Variants in CCDC171 observed in about 807,000 individuals in gnomAD.
The protein encoded by CCDC171 is coiled-coil domain containing 171.
In CCDC171, 177 loss-of-function variants were observed where a neutral mutation model predicts 168.2. The observed-to-expected ratio is 1.05, with a 90% CI of 0.93 to 1.19. The LOEUF (loss-of-function observed/expected upper bound fraction) is 1.19. Ranked by LOEUF, CCDC171 falls within the 50% of genes most tolerant of loss-of-function variation. The pLI is 0.00. For synonymous variants in CCDC171, 687 were observed against 540.8 expected, an observed-to-expected ratio of 1.27 and a Z score of -3.75; for missense variants, 1,991 against 1,539.0, an observed-to-expected ratio of 1.29 and a Z score of -4.91.
At chr9:15,953,308 C>T (rs566647991) in intron 25 of CCDC171, among the ~76,000 whole-genome samples, 4 of 152,170 alleles carry the variant, frequency 2.6e-5, no homozygotes, top group South Asian at 2.1e-4. Context: ...ATATATGCTC[C>T]GGGCCTTTCA....
chr9:15,913,575 G>T (rs1824036678), intron 24 of CCDC171, among the ~76,000 whole-genome samples: 2 of 151,878 alleles, frequency 1.3e-5, no homozygotes, highest in Admixed American at 1.3e-4. Flanking sequence ...GCTTCCTTGT[G>T]TTGGGTTAGA....
chr9:15,840,446 T>C (rs1315041282), intron 21 of CCDC171, among the ~76,000 whole-genome samples: 2 of 152,128 alleles, frequency 1.3e-5, no homozygotes, highest in African/African-American at 2.4e-5. Flanking sequence ...AGTTTTTGAG[T>C]ATGCTATAGC....
At chr9:15,963,684 C>A (rs142798326) in intron 25 of CCDC171, among the ~76,000 whole-genome samples, 1 of 152,210 alleles carries the variant, frequency 6.6e-6, no homozygotes, top group East Asian at 1.9e-4. Flanking sequence ...AAGTTTAGCA[C>A]CTTTTCGTAT....
chr9:16,065,233 C>T (rs1833978558), downstream of CCDC171, among the ~76,000 whole-genome samples: 1 of 152,200 alleles, frequency 6.6e-6, no homozygotes, highest in South Asian at 2.1e-4. Context: ...TCTCAGAGAA[C>T]TGAGCTGGCT....
chr9:15,587,542 G>A (rs930574128), intron 4 of CCDC171: 3 of 439,920 alleles, frequency 6.8e-6, no homozygotes, highest in African/African-American at 6.1e-5. Context: ...TCTCAGGTAT[G>A]TCTTTATCCA....
intron 7 of CCDC171, among the ~76,000 whole-genome samples, chr9:15,651,974 C>T (rs1280378484): frequency 1.3e-5 from 2 of 152,090 alleles, no homozygotes; most frequent in Non-Finnish European, 2.9e-5. Context: ...GTGGCATGAT[C>T]TCAGCTCACT....
At chr9:16,022,189 GA>G (rs1266687012) in intron 4 of CCDC171, 1 of 152,212 alleles carries the variant, frequency 6.6e-6, no homozygotes, top group Admixed American at 6.5e-5. Context: ...TATCCTAACC[GA>G]CATTGAATCA....
In CCDC171 at chr9:15,817,580, C is replaced by A. The variant is rs534142357; in HGVS notation, c.3268-29122C>A. Among the ~76,000 whole-genome samples, 9 of 118,436 alleles carry A rather than the reference C, an allele frequency of 7.6e-5. 3 individuals are homozygous for A. In the South Asian group the frequency reaches 2.5e-3, roughly 33 times the overall value. The allele number at this position is 118,436 out of a possible 152,430, so 77.7% of individuals were successfully genotyped here. On this transcript the variant is annotated intron_variant, in intron 21 of 25. Coordinates refer to ENST00000380701, the MANE Select transcript of CCDC171 (RefSeq NM_173550.4). The stretch of plus-strand genomic sequence containing the variant: ...CCTGGCTTGGAGGGTCCTACGCCCA[C>A]GGAGCCTCGCTCATTGCTAGCACAG...
intron 7 of CCDC171, among the ~76,000 whole-genome samples, chr9:15,656,220 G>T (rs1020509653): frequency 6.6e-6 from 1 of 151,962 alleles, no homozygotes; most frequent in African/African-American, 2.4e-5. Context: ...TACTTGGGAG[G>T]CTGAGGCAGG....
At chr9:15,879,788 T>A (rs1325536273) in intron 24 of CCDC171, among the ~76,000 whole-genome samples, 1 of 152,130 alleles carries the variant, frequency 6.6e-6, no homozygotes, top group East Asian at 1.9e-4. Context: ...TACTATCCTC[T>A]TGCATACATT....
intron 25 of CCDC171, among the ~76,000 whole-genome samples, chr9:15,958,773 A>G (rs144302561): frequency 6.6e-6 from 1 of 152,062 alleles, no homozygotes; most frequent in African/African-American, 2.4e-5. Context: ...ATGAGAAATT[A>G]CGTTAATGCA....
chr9:15,569,846 CAA>C (rs1314811546), intron 2 of CCDC171, among the ~76,000 whole-genome samples: 4,176 of 139,806 alleles, frequency 0.03, 120 homozygotes, highest in African/African-American at 0.083. Context: ...AACAAACAAA[CAA>C]AAAAAAAATT....
At chr9:15,798,086 T>C (rs569505013) in intron 21 of CCDC171, among the ~76,000 whole-genome samples, 4 of 152,322 alleles carry the variant, frequency 2.6e-5, no homozygotes, top group African/African-American at 4.8e-5. Flanking sequence ...TAAGGTGCTG[T>C]AAGTCCTTTA....
chr9:15,756,655 T>A (rs567491534), intron 18 of CCDC171, among the ~76,000 whole-genome samples: 1 of 152,314 alleles, frequency 6.6e-6, no homozygotes, highest in South Asian at 2.1e-4. Context: ...TGTTCCTGTG[T>A]TAATTTGCTT....
chr9:15,986,297 G>A lies in CCDC171; in HGVS notation n.369-34292G>A, dbSNP rs550472965. Reference sequence around the variant, plus strand: ...GTGAATAAACACAAGCTGATAACTAGTGTCTGTGAGTTCCTGAATTGATTC... The same window carrying A: ...GTGAATAAACACAAGCTGATAACTAATGTCTGTGAGTTCCTGAATTGATTC... On this transcript the variant is annotated intron_variant and non_coding_transcript_variant, in intron 3 of 9. Transcript: ENST00000486641. Among the ~76,000 whole-genome samples the A allele has an allele frequency of 1.9e-3, 291 of 152,328 alleles. 2 individuals are homozygous for A. Among genetic ancestry groups the A allele is most frequent in the African/African-American group, 6.2e-3 (257 of 41,576 alleles).
chr9:15,994,751 C>A (rs578082953), intron 3 of CCDC171, among the ~76,000 whole-genome samples: 1 of 152,208 alleles, frequency 6.6e-6, no homozygotes, highest in South Asian at 2.1e-4. Flanking sequence ...ACTATTCTTA[C>A]AATCACCTTG....
intron 24 of CCDC171, chr9:15,875,940 A>G (rs746523477): frequency 1.3e-5 from 2 of 152,116 alleles, no homozygotes; most frequent in Non-Finnish European, 2.9e-5. Flanking sequence ...GTCAGTATTT[A>G]TGAATTCATC....
At chr9:15,578,497 T>G (rs1182096900) in intron 3 of CCDC171, among the ~76,000 whole-genome samples, 6 of 150,492 alleles carry the variant, frequency 4.0e-5, no homozygotes, top group Admixed American at 3.3e-4. Context: ...CTTGAACTCC[T>G]GGGCTTAAGT....
chr9:16,040,845 C>T (rs181492513), upstream of CCDC171, among the ~76,000 whole-genome samples: 10 of 152,252 alleles, frequency 6.6e-5, no homozygotes, highest in African/African-American at 9.6e-5. Context: ...CATTCACATG[C>T]ATAGTTTCTG....
Sources: allele counts gnomAD v4.1 joint callset (sites outside exome capture counted in the v4.1 genomes callset), GRCh38; gene constraint gnomAD v4.1.1; transcripts MANE v1.5; gene names NCBI Gene and HGNC (gene_info 2026-07-23, HGNC 2026-07-21).